Variants in PARD3 observed in about 807,000 individuals in gnomAD.
PARD3 encodes the protein partitioning defective 3 homolog.
A neutral mutation model predicts 155.4 loss-of-function variants in PARD3; 75 were observed. The observed-to-expected ratio is 0.48, with a 90% CI of 0.40 to 0.58. PARD3 has a LOEUF of 0.58. Among genes scored for constraint, PARD3 ranks in the 20% least tolerant of loss-of-function variants. The pLI is 0.00. For missense variants in PARD3, 1,642 were observed against 1,721.7 expected, an observed-to-expected ratio of 0.95 and a Z score of 0.82; for synonymous variants, 576 against 610.5, an observed-to-expected ratio of 0.94 and a Z score of 0.83.
chr10:34,486,608 C>A (rs952595278), intron 3 of PARD3, among the ~76,000 whole-genome samples: 7 of 152,186 alleles, frequency 4.6e-5, no homozygotes, highest in African/African-American at 1.7e-4. Flanking sequence ...AACAAGGTAG[C>A]TTTGGATGAG....
chr10:34,517,236 T>A, intron 2 of PARD3, 77 bp from the exon 3 acceptor site: 1 of 1,362,230 alleles, frequency 7.3e-7, no homozygotes, highest in East Asian at 2.4e-5. Context: ...TATTTTGACA[T>A]AATTCTACAG....
chr10:34,145,959 T>C (rs1161738801), intron 22 of PARD3, among the ~76,000 whole-genome samples: 1 of 152,072 alleles, frequency 6.6e-6, no homozygotes, highest in East Asian at 1.9e-4. Context: ...CTCATGACAG[T>C]GTATGTGGAC....
intron 2 of PARD3, among the ~76,000 whole-genome samples, chr10:34,607,636 G>A (rs1034040831): frequency 6.6e-5 from 10 of 152,312 alleles, no homozygotes; most frequent in African/African-American, 2.4e-4. Flanking sequence ...GCAGGAAAAG[G>A]TAAGTCCATC....
chr10:34,794,905 G>A (rs549752033), intron 1 of PARD3, among the ~76,000 whole-genome samples: 2 of 152,332 alleles, frequency 1.3e-5, no homozygotes, highest in African/African-American at 4.8e-5. Context: ...ACATACACAC[G>A]TATCTATGGC....
intron 5 of PARD3, among the ~76,000 whole-genome samples, chr10:34,449,363 C>T (rs924767470): frequency 2.0e-5 from 3 of 149,016 alleles, no homozygotes; most frequent in Non-Finnish European, 3.0e-5. Context: ...TTATAAAACA[C>T]TGGGATTCCC....
chr10:34,407,442 T>G (rs1844608021), intron 5 of PARD3, among the ~76,000 whole-genome samples: 1 of 152,314 alleles, frequency 6.6e-6, no homozygotes, highest in East Asian at 1.9e-4. Context: ...CATCAGGAAG[T>G]TGCAAGAGCT....
At chr10:34,320,878 G>A (rs1013041124) in intron 19 of PARD3, among the ~76,000 whole-genome samples, 7 of 152,068 alleles carry the variant, frequency 4.6e-5, no homozygotes, top group Admixed American at 1.3e-4. Context: ...ACTCTTCTGG[G>A]GGTGTACTGA....
rs1356312507 is a variant in PARD3 at position 34,561,563 on chromosome 10, G to C, written c.223-44404C>G. 1.3e-5 allele frequency among the ~76,000 whole-genome samples: 2 copies of C among 151,670 alleles called. 1 individual carries two copies. Among genetic ancestry groups the C allele is most frequent in the African/African-American group, 4.8e-5 (2 of 41,366 alleles). ...AGATGGAGTTTCATTCTGTTGCCCA[G>C]GCTGGAGTGCAATGGCGCGATCTCG... On this transcript the variant is annotated intron_variant, in intron 2 of 24. Coordinates refer to ENST00000374788, the MANE Select transcript of PARD3 (RefSeq NM_001184785.2).
intron 22 of PARD3, among the ~76,000 whole-genome samples, chr10:34,213,660 CT>C (rs1951862216): frequency 6.6e-6 from 1 of 152,086 alleles, no homozygotes; most frequent in South Asian, 2.1e-4. Flanking sequence ...AGAGAGAGGC[CT>C]TCAAAGGGCT....
At chr10:34,229,657 G>GGT (rs1274308609) in intron 22 of PARD3, among the ~76,000 whole-genome samples, 72 of 106,246 alleles carry the variant, frequency 6.8e-4, no homozygotes, top group Non-Finnish European at 1.3e-3. Flanking sequence ...TCTAGTTGAG[G>GGT]GTGCGTGTGT....
rs1407697764 is a variant in PARD3, at chr10:34,360,090, T to C, written c.1877A>G (p.Asn626Ser). ...ACTCACTTTAGATGCTGCTCCTCCA[T>C]TAATAATGGACTTGACAAAGATTCC... ...DLGIFVKSII[N>S]GGAASKDGRL... is the part of the protein sequence containing the mutation. The change falls in exon 13 of 25, where the codon AAT becomes AGT. Residue 626 changes from asparagine (N) to serine (S), a missense_variant. Physicochemically the swap from Asn to Ser is conservative, Grantham distance 46. Coordinates refer to ENST00000374788, the MANE Select transcript of PARD3 (RefSeq NM_001184785.2). The C allele has an allele frequency of 2.5e-6, 4 of 1,613,880 alleles. No individual in the cohort carries two copies. Among genetic ancestry groups the C allele is most frequent in the East Asian group, 2.2e-5 (1 of 44,890 alleles).
intron 2 of PARD3, among the ~76,000 whole-genome samples, chr10:34,606,203 TGTGTGTGTA>T (rs1218577332): frequency 1.8e-5 from 2 of 112,588 alleles, no homozygotes; most frequent in African/African-American, 7.3e-5. Context: ...TGTGTGTGTG[TGTGTGTGTA>T]GTTCTGTCCC....
intron 4 of PARD3, among the ~76,000 whole-genome samples, chr10:34,456,949 T>G (rs573667413): frequency 1.3e-5 from 2 of 152,176 alleles, no homozygotes; most frequent in Non-Finnish European, 2.9e-5. Flanking sequence ...CACAGTGGAA[T>G]TCTAATATAG....
intron 1 of PARD3, among the ~76,000 whole-genome samples, chr10:34,750,946 C>T (rs1343034144): frequency 6.6e-6 from 1 of 152,204 alleles, no homozygotes; most frequent in African/African-American, 2.4e-5. Flanking sequence ...GCCTCACCCT[C>T]CCAAAGTGCT....
At chr10:34,424,071 T>C (rs955244311) in intron 5 of PARD3, among the ~76,000 whole-genome samples, 4 of 152,316 alleles carry the variant, frequency 2.6e-5, no homozygotes, top group East Asian at 3.9e-4. Context: ...TATTTCTATA[T>C]TTGCAAGTGT....
chr10:34,250,346 T>G (rs1044603378), intron 22 of PARD3, among the ~76,000 whole-genome samples: 1 of 152,186 alleles, frequency 6.6e-6, no homozygotes, highest in Non-Finnish European at 1.5e-5. Flanking sequence ...TCATAATGAA[T>G]CAAAGCCCAG....
intron 5 of PARD3, among the ~76,000 whole-genome samples, chr10:34,433,884 C>CCCT (rs1324602797): frequency 6.6e-6 from 1 of 152,138 alleles, no homozygotes; most frequent in Non-Finnish European, 1.5e-5. Context: ...CCCAATGCCT[C>CCCT]CACACATTGA....
At chr10:34,788,552 T>C (rs768750730) in intron 1 of PARD3, among the ~76,000 whole-genome samples, 5 of 151,724 alleles carry the variant, frequency 3.3e-5, no homozygotes, top group Non-Finnish European at 5.9e-5. Flanking sequence ...TGGGTTCAAG[T>C]GATTCTCCTG....
At chr10:34,295,170 T>C (rs1262629345) in intron 20 of PARD3, among the ~76,000 whole-genome samples, 1 of 152,200 alleles carries the variant, frequency 6.6e-6, no homozygotes, top group Non-Finnish European at 1.5e-5. Context: ...TGTACAGCAC[T>C]AAATATTATT....
Sources: allele counts gnomAD v4.1 joint callset (sites outside exome capture counted in the v4.1 genomes callset), GRCh38; gene constraint gnomAD v4.1.1; transcripts MANE v1.5; gene names NCBI Gene and HGNC (gene_info 2026-07-23, HGNC 2026-07-21).